Variants in PLPPR1 observed in about 807,000 individuals in gnomAD.
PLPPR1 encodes the protein phospholipid phosphatase-related protein type 1.
In PLPPR1, 10 loss-of-function variants were observed where a neutral mutation model predicts 33.1. The observed-to-expected ratio is 0.30, with a 90% CI of 0.19 to 0.51. PLPPR1 has a LOEUF of 0.51. Among genes scored for constraint, PLPPR1 ranks in the 20% least tolerant of loss-of-function variants. The pLI is 0.97. For synonymous variants in PLPPR1, 151 were observed against 151.0 expected (o/e 1.00, Z 0.00); for missense variants, 304 against 408.1 (o/e 0.74, Z 2.20).
intron 1 of PLPPR1, among the ~76,000 whole-genome samples, chr9:101,098,368 G>A (rs1472200894): frequency 6.6e-6 from 1 of 152,082 alleles, no homozygotes; most frequent in African/African-American, 2.4e-5. Flanking sequence ...TGATGCATTT[G>A]ATATCAGACA....
At chr9:101,165,943 A>G (rs1470079031) in intron 1 of PLPPR1, among the ~76,000 whole-genome samples, 1 of 152,228 alleles carries the variant, frequency 6.6e-6, no homozygotes, top group African/African-American at 2.4e-5. Context: ...CTAGATGATC[A>G]TAGGAGTCTT....
chr9:101,297,421 T>C (rs75847584), intron 4 of PLPPR1, among the ~76,000 whole-genome samples: 3,022 of 152,302 alleles, frequency 0.02, 43 homozygotes, highest in Middle Eastern at 0.068. Flanking sequence ...AATGAGACAA[T>C]GACAAGAATA....
intron 1 of PLPPR1, among the ~76,000 whole-genome samples, chr9:101,145,086 T>A (rs1173610885): frequency 6.6e-6 from 1 of 152,102 alleles, no homozygotes; most frequent in Non-Finnish European, 1.5e-5. Context: ...TTGCTGTAAC[T>A]CACAGAAGCA....
At chr9:101,036,152 A>G (rs1400939268) in intron 1 of PLPPR1, among the ~76,000 whole-genome samples, 3 of 152,142 alleles carry the variant, frequency 2.0e-5, no homozygotes, top group Non-Finnish European at 2.9e-5. Flanking sequence ...TTTGTGCCCA[A>G]TGCAGGTGCC....
At chr9:101,323,020 C>T (rs548859493) in intron 7 of PLPPR1, among the ~76,000 whole-genome samples, 2 of 152,238 alleles carry the variant, frequency 1.3e-5, no homozygotes, top group East Asian at 1.9e-4. Flanking sequence ...AAATAATAAA[C>T]TCACTTCTAT....
chr9:101,204,816 C>G (rs1258529251), intron 2 of PLPPR1, among the ~76,000 whole-genome samples: 1 of 152,132 alleles, frequency 6.6e-6, no homozygotes, highest in Non-Finnish European at 1.5e-5. Flanking sequence ...ATGCTCACCC[C>G]AGTCCAGTCT....
At chr9:101,295,886 G>A (rs1379168916) in intron 4 of PLPPR1, among the ~76,000 whole-genome samples, 6 of 147,592 alleles carry the variant, frequency 4.1e-5, no homozygotes, top group Non-Finnish European at 7.5e-5. Flanking sequence ...CAGGACATAG[G>A]CATGGGCAAG....
intron 1 of PLPPR1, among the ~76,000 whole-genome samples, chr9:101,034,460 AG>A: frequency 6.6e-6 from 1 of 152,306 alleles, no homozygotes; most frequent in Non-Finnish European, 1.5e-5. Context: ...TTGTTTATGT[AG>A]CACAGCGGTT....
intron 2 of PLPPR1, among the ~76,000 whole-genome samples, chr9:101,238,065 CGT>C (rs201119127): frequency 0.019 from 2,343 of 125,092 alleles, 74 homozygotes; most frequent in African/African-American, 0.067. Context: ...CCTATATATA[CGT>C]GTGTGTGTAT....
chr9:101,036,004 C>G (rs541314115), intron 1 of PLPPR1, among the ~76,000 whole-genome samples: 1 of 152,082 alleles, frequency 6.6e-6, no homozygotes, highest in Non-Finnish European at 1.5e-5. Flanking sequence ...GAGAAGCAAA[C>G]GCAGGATTGG....
chr9:101,185,880 G>A (rs556260523), intron 2 of PLPPR1, among the ~76,000 whole-genome samples: 30 of 151,638 alleles, frequency 2.0e-4, no homozygotes, highest in African/African-American at 6.0e-4. Flanking sequence ...AGAGAATGAA[G>A]CATTTTAATT....
At chr9:101,221,911 T>C (rs184741794) in intron 2 of PLPPR1, among the ~76,000 whole-genome samples, 31 of 152,240 alleles carry the variant, frequency 2.0e-4, no homozygotes, top group African/African-American at 7.5e-4. Flanking sequence ...ATTAAATGAA[T>C]GGAAGAAGGA....
intron 2 of PLPPR1, among the ~76,000 whole-genome samples, chr9:101,209,046 A>T (rs926823827): frequency 2.0e-5 from 3 of 152,208 alleles, no homozygotes; most frequent in Non-Finnish European, 4.4e-5. Flanking sequence ...TTTTTCTGAA[A>T]GTGGGGTCCC....
chr9:101,242,764 A>G lies in PLPPR1; in HGVS notation c.64-27116A>G, dbSNP rs559880390. Reference sequence around the variant, plus strand: ...CATTGAGTTAACCTATTCCAGAAACATTAATTAAGTGCTCACTGTGTACTG... The same window carrying G: ...CATTGAGTTAACCTATTCCAGAAACGTTAATTAAGTGCTCACTGTGTACTG... On this transcript the variant is annotated intron_variant, in intron 2 of 7. Coordinates refer to ENST00000374874, the MANE Select transcript of PLPPR1 (RefSeq NM_207299.2). Among the ~76,000 whole-genome samples, 4 of 152,176 alleles carry G rather than the reference A, an allele frequency of 2.6e-5. No homozygotes were observed. In the East Asian group the frequency reaches 7.8e-4, roughly 30 times the overall value.
At chr9:101,157,133 G>C (rs1217743117) in intron 1 of PLPPR1, among the ~76,000 whole-genome samples, 5 of 152,180 alleles carry the variant, frequency 3.3e-5, no homozygotes, top group Non-Finnish European at 7.3e-5. Flanking sequence ...TGAAATGACA[G>C]ATTCTAAATA....
intron 2 of PLPPR1, among the ~76,000 whole-genome samples, chr9:101,210,941 G>A (rs1367204528): frequency 6.6e-6 from 1 of 152,020 alleles, no homozygotes; most frequent in Non-Finnish European, 1.5e-5. Context: ...CTAATTTTTT[G>A]TATTTTTAGT....
At chr9:101,266,413 A>AAAG (rs1827999699) in intron 2 of PLPPR1, among the ~76,000 whole-genome samples, 1 of 149,134 alleles carries the variant, frequency 6.7e-6, no homozygotes, top group African/African-American at 2.5e-5. Flanking sequence ...AAAAAGAAAG[A>AAAG]AAGAAAGAAA....
intron 3 of PLPPR1, among the ~76,000 whole-genome samples, chr9:101,277,063 G>T (rs2118904249): frequency 6.6e-6 from 1 of 152,304 alleles, no homozygotes; most frequent in East Asian, 1.9e-4. Flanking sequence ...TGGAGACATT[G>T]GCAGTTAGGG....
At chr9:101,311,053 T>C (rs1000083804) in intron 5 of PLPPR1, among the ~76,000 whole-genome samples, 3 of 152,182 alleles carry the variant, frequency 2.0e-5, no homozygotes, top group African/African-American at 7.2e-5. Context: ...TTTTTCCTAA[T>C]TATCTAGAAC....
Sources: allele counts gnomAD v4.1 joint callset (sites outside exome capture counted in the v4.1 genomes callset), GRCh38; gene constraint gnomAD v4.1.1; transcripts MANE v1.5; gene names NCBI Gene and HGNC (gene_info 2026-07-23, HGNC 2026-07-21).